The following PLEKHG7 variants were observed in gnomAD, a reference collection of about 807,000 sequenced individuals.
PLEKHG7 encodes the protein pleckstrin homology and RhoGEF domain containing G7.
Under a neutral mutation model 85.2 loss-of-function variants are expected in PLEKHG7, and 77 were observed. That is an observed-to-expected ratio of 0.90 (90% CI 0.75 to 1.09). PLEKHG7 has a LOEUF of 1.09. Ranked by LOEUF, PLEKHG7 falls within the 50% of genes least tolerant of loss-of-function variation. PLEKHG7 has a pLI of 0.00. For synonymous variants in PLEKHG7, 301 were observed against 302.4 expected (o/e 1.00, Z 0.05); for missense variants, 777 against 804.3 (o/e 0.97, Z 0.41).
chr12:92,760,948 A>G (rs1190721753), intron 13 of PLEKHG7, among the ~76,000 whole-genome samples: 1 of 152,220 alleles, frequency 6.6e-6, no homozygotes, highest in Non-Finnish European at 1.5e-5. Context: ...ATGTCTTACA[A>G]TCTGGAGGCT....
intron 3 of PLEKHG7, among the ~76,000 whole-genome samples, chr12:92,716,153 T>C (rs552726092): frequency 2.0e-5 from 3 of 152,238 alleles, no homozygotes; most frequent in East Asian, 1.9e-4. Context: ...CTGGAGTGCA[T>C]TGGTACAATC....
chr12:92,761,605 GA>G (rs1204887832), intron 13 of PLEKHG7, 146 bp from the exon 14 acceptor site: 1 of 979,048 alleles, frequency 1.0e-6, no homozygotes, highest in African/African-American at 2.0e-5. Context: ...AAGAAAGAAA[GA>G]AAAAGAAAGA....
chr12:92,711,812 C>T (rs560525901), intron 3 of PLEKHG7, among the ~76,000 whole-genome samples: 1 of 152,310 alleles, frequency 6.6e-6, no homozygotes, highest in South Asian at 2.1e-4. Flanking sequence ...TGCACAGCAG[C>T]CTGGACCTGT....
intron 9 of PLEKHG7, among the ~76,000 whole-genome samples, chr12:92,744,595 T>C (rs1457204306): frequency 6.6e-6 from 1 of 151,692 alleles, no homozygotes; most frequent in Non-Finnish European, 1.5e-5. Context: ...AAGCATTAGA[T>C]TGAGTAAGAT....
At chr12:92,739,565 A>C (rs769476327) in intron 7 of PLEKHG7, among the ~76,000 whole-genome samples, 20 of 152,364 alleles carry the variant, frequency 1.3e-4, no homozygotes, top group Non-Finnish European at 1.9e-4. Context: ...TTTCCTGTTT[A>C]AGAAAAGGCC....
At chr12:92,715,037 TA>T (rs1871441018) in intron 3 of PLEKHG7, among the ~76,000 whole-genome samples, 1 of 151,638 alleles carries the variant, frequency 6.6e-6, no homozygotes. Context: ...GATAGATAGA[TA>T]GATAGATAGA....
chr12:92,768,866 C>A, intron 15 of PLEKHG7, 117 bp from the exon 16 acceptor site: 1 of 647,868 alleles, frequency 1.5e-6, no homozygotes. Context: ...ACCTCCCACC[C>A]TCGTTAAAAC....
At position 92,770,351 on chromosome 12, in the gene PLEKHG7, G is replaced by A; in HGVS notation, c.*156G>A. The A allele has an allele frequency of 1.7e-6, 1 of 604,018 alleles. No homozygotes were observed. The highest frequency in any genetic ancestry group is 2.9e-6 in the Non-Finnish European group (1 of 349,368). 37.4% of individuals were successfully genotyped at this position (604,018 alleles called of 1,614,324 possible). On this transcript the variant is annotated 3_prime_UTR_variant, in exon 17 of 17. Transcript: ENST00000344636. ...AAATTTTGAGCTAGGAAAATCCTCAGTATAGAGGAATAATGACTGCAACAA... is the reference window on the plus strand; with the variant it reads ...AAATTTTGAGCTAGGAAAATCCTCAATATAGAGGAATAATGACTGCAACAA...
At chr12:92,724,253 T>C (rs936306403) in intron 3 of PLEKHG7, among the ~76,000 whole-genome samples, 1 of 152,244 alleles carries the variant, frequency 6.6e-6, no homozygotes, top group Non-Finnish European at 1.5e-5. Flanking sequence ...TGCAATATGA[T>C]GAAGGTAGAA....
chr12:92,724,728 C>A (rs1043791287), intron 3 of PLEKHG7, among the ~76,000 whole-genome samples: 1 of 152,160 alleles, frequency 6.6e-6, no homozygotes, highest in Non-Finnish European at 1.5e-5. Flanking sequence ...CTAAGTCTGT[C>A]CCCTTTGAAA....
At chr12:92,708,021 A>T in intron 3 of PLEKHG7, 1 of 310,330 alleles carries the variant, frequency 3.2e-6, no homozygotes, top group Non-Finnish European at 6.0e-6. Context: ...TTTTCAAAGA[A>T]AAATTTGGAG....
At chr12:92,707,749 C>T (rs772375341) in intron 3 of PLEKHG7, 77 bp downstream of exon 3, 12 of 1,604,628 alleles carry the variant, frequency 7.5e-6, no homozygotes, top group Non-Finnish European at 9.4e-6. Flanking sequence ...TCTGTCCTGA[C>T]ATAACAAAGC....
rs371227494 is a variant in PLEKHG7 at position 92,755,618 on chromosome 12, C to G, written c.1427-207C>G. ...AAACTACTGAATTAAATTAGCTAAG[C>G]TTGATTTTTCTCTGCAAGAGACTGA... On this transcript the variant is annotated intron_variant, in intron 11 of 16. Transcript: ENST00000344636. Among the ~76,000 whole-genome samples the G allele has an allele frequency of 3.3e-5, 5 of 152,200 alleles. No homozygotes were observed. In the East Asian group the frequency reaches 7.7e-4, roughly 23 times the overall value.
chr12:92,727,496 C>A (rs541861680), intron 3 of PLEKHG7, among the ~76,000 whole-genome samples: 3 of 152,040 alleles, frequency 2.0e-5, no homozygotes, highest in Non-Finnish European at 2.9e-5. Flanking sequence ...CACTTATAAG[C>A]GAGAGAATGT....
At chr12:92,762,316 A>G (rs1873060739) in intron 14 of PLEKHG7, among the ~76,000 whole-genome samples, 1 of 152,154 alleles carries the variant, frequency 6.6e-6, no homozygotes, top group Admixed American at 6.5e-5. Context: ...ATTATTTCTG[A>G]GAAATAATGA....
At chr12:92,741,382 A>C in intron 8 of PLEKHG7, 109 bp from the exon 9 acceptor site, 1 of 547,502 alleles carries the variant, frequency 1.8e-6, no homozygotes, top group Non-Finnish European at 3.1e-6. Context: ...TCTAGGAGAT[A>C]TATTTGAAAT....
intron 13 of PLEKHG7, among the ~76,000 whole-genome samples, chr12:92,759,885 A>G: frequency 6.6e-6 from 1 of 152,210 alleles, no homozygotes; most frequent in South Asian, 2.1e-4. Flanking sequence ...CTGGAGACGG[A>G]CAGGTTAAAA....
chr12:92,763,983 G>T (rs1873110862), intron 14 of PLEKHG7, 58 bp from the exon 15 acceptor site: 1 of 1,475,536 alleles, frequency 6.8e-7, no homozygotes. Context: ...ATGCACTTTA[G>T]ATAAGTGTGC....
chr12:92,727,383 T>C (rs1362007260), intron 3 of PLEKHG7, among the ~76,000 whole-genome samples: 4 of 152,166 alleles, frequency 2.6e-5, no homozygotes, highest in Non-Finnish European at 5.9e-5. Flanking sequence ...TTGTACCCAA[T>C]AGTTAATTTT....
Sources: gnomAD v4.1 joint callset for allele counts (sites outside exome capture counted in the v4.1 genomes callset) on GRCh38, gnomAD v4.1.1 for gene constraint, MANE v1.5 for transcripts, NCBI Gene and HGNC (gene_info 2026-07-23, HGNC 2026-07-21) for gene names.